RFPL1: variants seen among roughly 807,000 people sequenced by gnomAD.
RFPL1 encodes ret finger protein-like 1.
A neutral mutation model predicts 9.6 loss-of-function variants in RFPL1; 6 were observed. The observed-to-expected ratio is 0.62, with a 90% CI of 0.34 to 1.23. RFPL1 has a LOEUF of 1.23. RFPL1 is among the 50% of genes most tolerant of loss of function. The pLI, the probability that RFPL1 is intolerant of heterozygous loss-of-function variation, is 0.03. For missense variants in RFPL1, 352 were observed against 398.4 expected (o/e 0.88, Z 0.99); for synonymous variants, 145 against 149.4 (o/e 0.97, Z 0.22).
chr22:29,393,159 T>C, the RFPL1 span, among the ~76,000 whole-genome samples: 2 of 152,210 alleles, frequency 1.3e-5, no homozygotes, highest in African/African-American at 4.8e-5. Context: ...CAACCTGAAC[T>C]GTGAAGGGTG....
chr22:29,390,973 C>G, the RFPL1 span, among the ~76,000 whole-genome samples: 1 of 150,918 alleles, frequency 6.6e-6, no homozygotes, highest in Non-Finnish European at 1.5e-5. Flanking sequence ...AACCCCGTCT[C>G]TACTAAAAAA....
At chr22:29,415,308 G>A in the RFPL1 span, among the ~76,000 whole-genome samples, 1 of 152,232 alleles carries the variant, frequency 6.6e-6, no homozygotes, top group Non-Finnish European at 1.5e-5. Flanking sequence ...ATCAGGCCAC[G>A]CTTCCACTCA....
chr22:29,394,336 TTTTTGTTTTG>T, the RFPL1 span, among the ~76,000 whole-genome samples: 19 of 149,502 alleles, frequency 1.3e-4, no homozygotes, highest in African/African-American at 4.2e-4. Flanking sequence ...TTTGTTGTTG[TTTTTGTTTTG>T]TTTTGTTTTG....
At chr22:29,425,255 A>C in the RFPL1 span, among the ~76,000 whole-genome samples, 1 of 152,072 alleles carries the variant, frequency 6.6e-6, no homozygotes, top group Admixed American at 6.5e-5. Flanking sequence ...TAAAATAGGC[A>C]TTTGAATGGA....
At chr22:29,405,537 A>C in the RFPL1 span, among the ~76,000 whole-genome samples, 3 of 152,220 alleles carry the variant, frequency 2.0e-5, no homozygotes, top group Non-Finnish European at 1.5e-5. Flanking sequence ...TCTCCAGGGC[A>C]TCAACCATCC....
chr22:29,405,761 C>T, the RFPL1 span, among the ~76,000 whole-genome samples: 4 of 152,176 alleles, frequency 2.6e-5, no homozygotes, highest in Non-Finnish European at 5.9e-5. Flanking sequence ...TTGGAAAATA[C>T]GGGTTGTAGC....
the RFPL1 span, among the ~76,000 whole-genome samples, chr22:29,414,114 C>A: frequency 6.6e-6 from 1 of 152,108 alleles, no homozygotes; most frequent in Admixed American, 6.5e-5. Flanking sequence ...ACAGACAATT[C>A]TTCGACATGC....
rs61734565 is a variant in RFPL1 at position 29,441,899 on chromosome 22, G to A, written c.731G>A (p.Arg244Gln). The A allele has an allele frequency of 1.3e-3, 2,157 of 1,612,836 alleles. 20 individuals are homozygous for A. The African/African-American group carries it at 0.025, about 19-fold the overall frequency. ...CTCTTCGTAGACCGCAAGTTACAGC[G>A]AGTGGGGATTTTTCTGGATATGGGC... Residue 244 changes from arginine to glutamine, a missense_variant, in exon 2 of 2, where the codon CGA (arginine) becomes CAA (glutamine). Physicochemically the swap from Arg to Gln is conservative, Grantham distance 43. Coordinates refer to ENST00000354373, the Ensembl canonical transcript of RFPL1.
At chr22:29,408,058 A>C in the RFPL1 span, among the ~76,000 whole-genome samples, 4 of 152,238 alleles carry the variant, frequency 2.6e-5, no homozygotes, top group Non-Finnish European at 2.9e-5. Flanking sequence ...CACACTTAAT[A>C]ATTAAAATGA....
At chr22:29,425,445 C>G in the RFPL1 span, among the ~76,000 whole-genome samples, 1 of 152,128 alleles carries the variant, frequency 6.6e-6, no homozygotes, top group Non-Finnish European at 1.5e-5. Context: ...GGGACCAACC[C>G]TTAGCTCCTC....
the RFPL1 span, among the ~76,000 whole-genome samples, chr22:29,397,935 G>C: frequency 6.6e-6 from 1 of 152,218 alleles, no homozygotes. Context: ...AGTGTGACAG[G>C]GTGGCTGGGA....
the RFPL1 span, among the ~76,000 whole-genome samples, chr22:29,391,180 G>A: frequency 1.3e-5 from 2 of 151,928 alleles, no homozygotes; most frequent in African/African-American, 4.8e-5. Flanking sequence ...GGGAACAAAT[G>A]GAATTTTTTT....
At chr22:29,398,761 G>A in the RFPL1 span, among the ~76,000 whole-genome samples, 23 of 152,206 alleles carry the variant, frequency 1.5e-4, no homozygotes, top group African/African-American at 5.5e-4. Context: ...CGTGTAGCTA[G>A]GTATGGCCAT....
chr22:29,418,225 G>A, the RFPL1 span, among the ~76,000 whole-genome samples: 46 of 152,198 alleles, frequency 3.0e-4, no homozygotes, highest in South Asian at 1.2e-3. Context: ...ACCGCACCCA[G>A]CCTCGAATGG....
the RFPL1 span, among the ~76,000 whole-genome samples, chr22:29,410,230 G>GAT: frequency 1.8e-4 from 24 of 130,486 alleles, no homozygotes; most frequent in South Asian, 7.0e-4. Flanking sequence ...TATATATATA[G>GAT]ATATATATAT....
chr22:29,436,551 G>T (rs962770772), upstream of RFPL1: 1 of 148,820 alleles, frequency 6.7e-6, no homozygotes. Flanking sequence ...AGTGATCCAA[G>T]TTTGTGCCAC....
chr22:29,407,882 T>C, the RFPL1 span, among the ~76,000 whole-genome samples: 1 of 152,256 alleles, frequency 6.6e-6, no homozygotes, highest in Non-Finnish European at 1.5e-5. Flanking sequence ...TTCTGTTTCC[T>C]ATTCCATTGT....
At chr22:29,405,185 A>C in the RFPL1 span, among the ~76,000 whole-genome samples, 1 of 152,202 alleles carries the variant, frequency 6.6e-6, no homozygotes, top group African/African-American at 2.4e-5. Context: ...CTGAGAACTG[A>C]GAGGGAAGTA....
upstream of RFPL1, chr22:29,437,844 T>TG: frequency 9.5e-7 from 1 of 1,050,182 alleles, no homozygotes; most frequent in Non-Finnish European, 1.3e-6. Flanking sequence ...AAAGGCTGTC[T>TG]GAGTGCTGCC....
Sources: gnomAD v4.1 joint callset for allele counts (sites outside exome capture counted in the v4.1 genomes callset) on GRCh38, gnomAD v4.1.1 for gene constraint, MANE v1.5 for transcripts, NCBI Gene and HGNC (gene_info 2026-07-23, HGNC 2026-07-21) for gene names.